CDK7: variants seen among roughly 807,000 people sequenced by gnomAD.
The protein encoded by CDK7 is cyclin-dependent kinase 7.
In CDK7, 25 loss-of-function variants were observed where a neutral mutation model predicts 49.1. The ratio of observed to expected loss-of-function variants is 0.51; its 90% confidence interval spans 0.37 to 0.71. The LOEUF (loss-of-function observed/expected upper bound fraction) is 0.71. Among genes scored for constraint, CDK7 ranks in the 30% least tolerant of loss-of-function variants. The pLI is 0.00. For synonymous variants in CDK7, 107 were observed against 140.0 expected, an observed-to-expected ratio of 0.76 and a Z score of 1.67; for missense variants, 316 against 411.7, an observed-to-expected ratio of 0.77 and a Z score of 2.01.
chr5:69,255,726 C>A, intron 5 of CDK7, 198 bp downstream of exon 5: 3 of 571,514 alleles, frequency 5.2e-6, no homozygotes, highest in East Asian at 6.1e-5. Context: ...GTGTTACATA[C>A]AAAGATTTGG....
intron 2 of CDK7, among the ~76,000 whole-genome samples, chr5:69,236,541 CT>C (rs372172539): frequency 0.15 from 23,151 of 152,022 alleles, 1,881 homozygotes; most frequent in African/African-American, 0.21. Context: ...TTAATTCCCC[CT>C]TTTTTTGGTC....
At chr5:69,248,807 T>TTC (rs1554063470) in intron 2 of CDK7, among the ~76,000 whole-genome samples, 6 of 144,822 alleles carry the variant, frequency 4.1e-5, no homozygotes, top group South Asian at 2.2e-4. Context: ...TTTTTCTTTT[T>TTC]TTTTTTTTTT....
At chr5:69,251,443 C>T (rs1001261932) in intron 2 of CDK7, among the ~76,000 whole-genome samples, 1 of 152,032 alleles carries the variant, frequency 6.6e-6, no homozygotes. Context: ...CGGGGTCTTG[C>T]TATGTTGCCC....
chr5:69,239,737 G>C (rs7380054), intron 2 of CDK7, among the ~76,000 whole-genome samples: 49,146 of 151,844 alleles, frequency 0.32, 10,115 homozygotes, highest in African/African-American at 0.58. Context: ...ATCTTTAAAG[G>C]CTTCCTTTTT....
At chr5:69,260,212 T>C (rs909674480) in intron 7 of CDK7, among the ~76,000 whole-genome samples, 2 of 152,138 alleles carry the variant, frequency 1.3e-5, no homozygotes, top group African/African-American at 4.8e-5. Context: ...TAGCTGGGCA[T>C]GGTGGCGCAC....
chr5:69,271,411 T>C (rs576350908), intron 9 of CDK7, among the ~76,000 whole-genome samples: 1 of 152,270 alleles, frequency 6.6e-6, no homozygotes, highest in East Asian at 1.9e-4. Context: ...CTCTGCAAAA[T>C]TGTAATCAGG....
At chr5:69,264,951 A>G (rs1395841246) in intron 8 of CDK7, among the ~76,000 whole-genome samples, 3 of 151,172 alleles carry the variant, frequency 2.0e-5, no homozygotes, top group Admixed American at 6.6e-5. Flanking sequence ...AGCCTGGGCA[A>G]CAAATGTGAA....
chr5:69,256,603 A>G (rs1750506986), intron 5 of CDK7, among the ~76,000 whole-genome samples: 1 of 152,066 alleles, frequency 6.6e-6, no homozygotes, highest in Non-Finnish European at 1.5e-5. Context: ...AGCCTCCCAA[A>G]GTGCTGGGAT....
chr5:69,235,533 T>C, intron 2 of CDK7, 80 bp downstream of exon 2: 1 of 924,248 alleles, frequency 1.1e-6, no homozygotes, highest in Non-Finnish European at 1.8e-6. Context: ...ATTTTATTAG[T>C]CTTGACCATA....
At chr5:69,252,683 A>T (rs1028407801) in intron 3 of CDK7, among the ~76,000 whole-genome samples, 23 of 151,852 alleles carry the variant, frequency 1.5e-4, no homozygotes, top group Admixed American at 1.4e-3. Flanking sequence ...TTAATGTTTT[A>T]TTTTTTGTAG....
At position 69,253,052 on chromosome 5, in the gene CDK7, C is replaced by T. The variant is rs542063165; in HGVS notation, c.160+601C>T. ...TCATTACTGTTTTAGGTGTTACAAG[C>T]CATTGTTTTTTCTGTTTCTGAGTTT... On this transcript the variant is annotated intron_variant, in intron 3 of 11. Transcript: ENST00000256443. 8.2e-4 allele frequency among the ~76,000 whole-genome samples: 125 copies of T among 152,136 alleles called. 6 individuals carry two copies. The highest frequency in any genetic ancestry group is 6.2e-3 in the South Asian group (30 of 4,824).
chr5:69,268,083 C>G (rs931533036), intron 8 of CDK7, among the ~76,000 whole-genome samples: 3 of 152,176 alleles, frequency 2.0e-5, no homozygotes, highest in Non-Finnish European at 4.4e-5. Flanking sequence ...GCCTCAGCCT[C>G]CTGAGGAGCT....
chr5:69,246,709 T>G (rs908021213), intron 2 of CDK7, among the ~76,000 whole-genome samples: 7 of 104,166 alleles, frequency 6.7e-5, no homozygotes, highest in African/African-American at 3.7e-4. Flanking sequence ...TTGTTTTTGG[T>G]TTTTTTTTTT....
intron 9 of CDK7, among the ~76,000 whole-genome samples, chr5:69,270,460 G>A (rs1751456609): frequency 6.6e-6 from 1 of 152,106 alleles, no homozygotes; most frequent in South Asian, 2.1e-4. Context: ...AACTATAATA[G>A]TAATACTACA....
In CDK7 at chr5:69,269,252, A is replaced by G; in HGVS notation, c.673A>G (p.Ile225Val). The G allele has an allele frequency of 1.2e-6, 2 of 1,612,476 alleles. No individual in the cohort carries two copies. Residue 225 changes from isoleucine (I) to valine (V), a missense_variant, in exon 9 of 12, where the codon ATA becomes GTA. Physicochemically the swap from Ile to Val is conservative, Grantham distance 29. Transcript: ENST00000256443. ...TTCAGACCTTGATCAGCTAACAAGA[A>G]TATTTGAAACTTTGGGCACACCAAC... The part of the protein sequence containing the change: ...GDSDLDQLTR[I>V]FETLGTPTEE...
intron 10 of CDK7, 31 bp from the exon 11 acceptor site, chr5:69,276,512 A>C: frequency 6.2e-7 from 1 of 1,605,118 alleles, no homozygotes; most frequent in Non-Finnish European, 8.5e-7. Context: ...ATACTCACCT[A>C]CCTTACTTTT....
At chr5:69,236,609 T>C (rs567394105) in intron 2 of CDK7, among the ~76,000 whole-genome samples, 2 of 152,238 alleles carry the variant, frequency 1.3e-5, no homozygotes, top group South Asian at 4.1e-4. Flanking sequence ...TGACTACTTC[T>C]TCTCAATTAT....
rs148835101 is a variant in CDK7 at position 69,259,974 on chromosome 5, T to G, written c.527+38T>G. The stretch of plus-strand genomic sequence containing the variant: ...TAAAGCTACATGTGCAGGAGTTTGA[T>G]CAGAAATGAGCATCAACTGGCTTCT... On this transcript the variant is annotated intron_variant, in intron 7 of 11. Transcript: ENST00000256443. The G allele has an allele frequency of 5.6e-4, 708 of 1,264,926 alleles. 1 individual carries two copies. Among genetic ancestry groups the G allele is most frequent in the Non-Finnish European group, 2.6e-4 (222 of 865,748 alleles). The allele number at this position is 1,264,926 out of a possible 1,614,324, so 78.4% of individuals were successfully genotyped here.
intron 2 of CDK7, among the ~76,000 whole-genome samples, chr5:69,241,728 G>C (rs1258231428): frequency 1.3e-5 from 2 of 152,070 alleles, no homozygotes; most frequent in Admixed American, 1.3e-4. Flanking sequence ...TACCTACTCA[G>C]ATCTTTCGCC....
Sources: allele counts gnomAD v4.1 joint callset (sites outside exome capture counted in the v4.1 genomes callset), GRCh38; gene constraint gnomAD v4.1.1; transcripts MANE v1.5; gene names NCBI Gene and HGNC (gene_info 2026-07-23, HGNC 2026-07-21).